Variants in ABLIM2 observed in about 807,000 individuals in gnomAD.
ABLIM2 encodes the protein actin-binding LIM protein 2.
ABLIM2 carries 53 observed loss-of-function variants against 97.7 expected under a neutral mutation model. The ratio of observed to expected loss-of-function variants is 0.54; its 90% CI spans 0.44 to 0.68. The LOEUF (loss-of-function observed/expected upper bound fraction) is 0.68, where lower values mean the gene tolerates loss of function less well. ABLIM2 is among the 30% of genes least tolerant of loss of function. The probability of loss-of-function intolerance (pLI) is 0.00; values close to 1 mark genes in which losing one functional copy is unlikely to be tolerated. For missense variants in ABLIM2, 835 were observed against 867.2 expected (o/e 0.96, Z 0.47); for synonymous variants, 361 against 345.8 (o/e 1.04, Z -0.49).
chr4:8,156,089 G>C (rs1260456993), intron 1 of ABLIM2, among the ~76,000 whole-genome samples: 2 of 152,160 alleles, frequency 1.3e-5, no homozygotes, highest in African/African-American at 4.8e-5. Flanking sequence ...TGATCTGCCA[G>C]GCCAGCAGCT....
At chr4:8,074,730 T>C (rs1577216038) in intron 6 of ABLIM2, among the ~76,000 whole-genome samples, 1 of 151,524 alleles carries the variant, frequency 6.6e-6, no homozygotes, top group Admixed American at 6.6e-5. Context: ...TGTAAAAAAC[T>C]GGAAGGCGGC....
At chr4:7,985,038 G>A (rs1046310782) in intron 17 of ABLIM2, 145 bp from the exon 18 acceptor site, 95 of 770,138 alleles carry the variant, frequency 1.2e-4, no homozygotes, top group African/African-American at 4.2e-4. Flanking sequence ...GCAGTGGGGC[G>A]TGACAGAAGG....
rs1751934061 is a variant in ABLIM2 at position 7,994,754 on chromosome 4, G to A, written c.1619-1827C>T. 1.7e-5 allele frequency among the ~76,000 whole-genome samples: 2 copies of A among 116,698 alleles called. 1 individual carries two copies. Among genetic ancestry groups the A allele is most frequent in the Non-Finnish European group, 4.1e-5 (2 of 48,310 alleles). The allele number at this position is 116,698 out of a possible 152,430, so 76.6% of individuals were successfully genotyped here. ...TTCCTATTTCTCCGCATCCTCTCCA[G>A]CACCTGTTGTTTCCTGACTTCATGT... On this transcript the variant is annotated intron_variant, in intron 16 of 20. Transcript: ENST00000447017.
intron 10 of ABLIM2, among the ~76,000 whole-genome samples, chr4:8,034,811 G>C (rs1313335898): frequency 1.1e-5 from 1 of 91,246 alleles, no homozygotes; most frequent in South Asian, 4.8e-4. Flanking sequence ...GTAGGTAGGT[G>C]GGTGCAGGTG....
At position 8,002,878 on chromosome 4, in the gene ABLIM2, C is replaced by T. The variant is rs887897959; in HGVS notation, c.1618+5181G>A. On this transcript the variant is annotated intron_variant, in intron 16 of 20. Transcript: ENST00000447017. This position sits in a 1 kb window ranked among gnomAD's most constrained non-coding sequence, Gnocchi z 6.1. ...ATTCAAGTGTACACCCACTTCAAGC[C>T]GTGCCAGGTACCGTCTCTCTGCACT... 2.6e-5 allele frequency among the ~76,000 whole-genome samples: 4 copies of T among 152,222 alleles called. No homozygotes were observed. Among genetic ancestry groups the T allele is most frequent in the Non-Finnish European group, 4.4e-5 (3 of 68,038 alleles).
intron 2 of ABLIM2, among the ~76,000 whole-genome samples, chr4:8,105,671 A>C (rs946787163): frequency 6.6e-6 from 1 of 152,258 alleles, no homozygotes; most frequent in Admixed American, 6.5e-5. Context: ...AACCCGCAGA[A>C]GGCAGGCAGG....
Position 8,029,665 on chromosome 4 carries a change from T to G in ABLIM2, c.1159A>C (p.Ser387Arg). 1 of 1,541,200 alleles carries G rather than the reference T, an allele frequency of 6.5e-7. No individual in the cohort carries two copies. The highest frequency in any genetic ancestry group is 8.8e-7 in the Non-Finnish European group (1 of 1,142,044). ...TPTSRSPQHY[S>R]RPAGTVSVGT... Reference sequence around the variant, plus strand: ...CCAGGGGGCCAAGTACCTGGACGGCTGTAGTGCTGTGGTGACCGTGAGGTC... The same window carrying G: ...CCAGGGGGCCAAGTACCTGGACGGCGGTAGTGCTGTGGTGACCGTGAGGTC... The change falls in exon 11 of 21, where the codon AGC (serine) becomes CGC (arginine). Residue 387 changes from serine to arginine, a missense_variant. Physicochemically the swap from Ser to Arg is moderately radical, Grantham distance 110 (BLOSUM62 -1). Coordinates refer to ENST00000447017, the MANE Select transcript of ABLIM2 (RefSeq NM_001130083.2).
intron 1 of ABLIM2, among the ~76,000 whole-genome samples, chr4:8,157,981 A>C (rs1373161548): frequency 1.3e-5 from 2 of 152,234 alleles, no homozygotes; most frequent in Non-Finnish European, 2.9e-5. Context: ...TCTAGGTCTC[A>C]GTTTCCCCAA....
intron 12 of ABLIM2, among the ~76,000 whole-genome samples, chr4:8,026,947 G>C (rs1777807329): frequency 6.9e-6 from 1 of 144,822 alleles, no homozygotes; most frequent in African/African-American, 2.6e-5. Flanking sequence ...TTTTACCTGA[G>C]TGTGTGTGTC....
intron 5 of ABLIM2, among the ~76,000 whole-genome samples, chr4:8,078,484 CG>C (rs1212160855): frequency 3.3e-5 from 5 of 152,216 alleles, no homozygotes; most frequent in Admixed American, 2.6e-4. Context: ...AAGCCGTCTG[CG>C]GGGTCATCCC....
intron 1 of ABLIM2, among the ~76,000 whole-genome samples, chr4:8,133,162 C>A (rs536764292): frequency 6.6e-6 from 1 of 152,224 alleles, no homozygotes; most frequent in Non-Finnish European, 1.5e-5. Context: ...CTCCTCCCTG[C>A]GTGAGTTCAC....
rs137903372 is a variant in ABLIM2, at chr4:8,130,466, C to T, written c.11-23829G>A. Among the ~76,000 whole-genome samples the T allele has an allele frequency of 1.7e-3, 258 of 152,308 alleles. No individual in the cohort carries two copies. The Middle Eastern group carries it at 0.017, about 10-fold the overall frequency. Reference sequence around the variant, plus strand: ...CTATGGCAGGGAGAGTGGACGCCGGCGCCGGGCACTGATCTGGGCCTTTCC... The same window carrying T: ...CTATGGCAGGGAGAGTGGACGCCGGTGCCGGGCACTGATCTGGGCCTTTCC... On this transcript the variant is annotated intron_variant, in intron 1 of 20. Coordinates refer to ENST00000447017, the MANE Select transcript of ABLIM2 (RefSeq NM_001130083.2). This position sits in a 1 kb window ranked among gnomAD's most constrained non-coding sequence, Gnocchi z 4.2.
chr4:8,151,816 A>G (rs1712907355), intron 1 of ABLIM2, among the ~76,000 whole-genome samples: 1 of 114,188 alleles, frequency 8.8e-6, no homozygotes, highest in African/African-American at 3.4e-5. Flanking sequence ...CACTGCCTTC[A>G]GTGGAACAGA....
chr4:8,027,247 GC>G (rs1286315851), intron 12 of ABLIM2, among the ~76,000 whole-genome samples: 10 of 152,190 alleles, frequency 6.6e-5, no homozygotes, highest in African/African-American at 2.4e-4. Context: ...GCATGTGGGT[GC>G]CCGTGCAGGG....
rs1754860350 is a variant in ABLIM2, at chr4:7,998,426, T to C, written c.1619-5499A>G. Among the ~76,000 whole-genome samples, 1 of 152,104 alleles carries C rather than the reference T, an allele frequency of 6.6e-6. No individual in the cohort carries two copies. The highest frequency in any genetic ancestry group is 2.1e-4 in the South Asian group (1 of 4,824). ...CAGAATGCTTGCTGAAGTGCTATTC[T>C]GGTCTGCTAAATTCACCTGGAGCTG... On this transcript the variant is annotated intron_variant, in intron 16 of 20. Transcript: ENST00000447017. The surrounding 1 kb of genome is among the most constrained non-coding windows in gnomAD (Gnocchi z 6.4).
intron 4 of ABLIM2, among the ~76,000 whole-genome samples, chr4:8,084,353 C>T (rs1027994714): frequency 6.6e-6 from 1 of 152,088 alleles, no homozygotes; most frequent in Non-Finnish European, 1.5e-5. Flanking sequence ...CTAGGCAGCC[C>T]GGGAGCAGTG....
chr4:8,093,514 C>A (rs1277674693), intron 3 of ABLIM2, among the ~76,000 whole-genome samples: 1 of 152,220 alleles, frequency 6.6e-6, no homozygotes, highest in Non-Finnish European at 1.5e-5. Context: ...CAGCTTTTAG[C>A]ATATTCAGAG....
rs763424607 is a variant in ABLIM2 at position 8,125,446 on chromosome 4, G to A, written c.11-18809C>T. Among the ~76,000 whole-genome samples, 3 of 152,190 alleles carry A rather than the reference G, an allele frequency of 2.0e-5. No homozygotes were observed. Among genetic ancestry groups the A allele is most frequent in the Non-Finnish European group, 2.9e-5 (2 of 68,032 alleles). ...GATACCCTTGCTTCGCATGTGAATC[G>A]CGATCTGCAGTGCTGATGGCCGCAG... On this transcript the variant is annotated intron_variant, in intron 1 of 20. Transcript: ENST00000447017. This position sits in a 1 kb window ranked among gnomAD's most constrained non-coding sequence, Gnocchi z 6.2.
intron 1 of ABLIM2, among the ~76,000 whole-genome samples, chr4:8,109,431 G>A (rs763625915): frequency 6.6e-6 from 1 of 152,208 alleles, no homozygotes. Context: ...ATTGAGCTCT[G>A]AGCCTGGAAG....
Sources: gnomAD v4.1 joint callset for allele counts (sites outside exome capture counted in the v4.1 genomes callset) on GRCh38, gnomAD v4.1.1 for gene constraint, Gnocchi (gnomAD v3.1) non-coding constraint, MANE v1.5 for transcripts, NCBI Gene and HGNC (gene_info 2026-07-23, HGNC 2026-07-21) for gene names.